The following CNTN5 variants were observed in gnomAD, a reference collection of about 807,000 sequenced individuals.
CNTN5 encodes contactin-5.
Under a neutral mutation model 129.1 loss-of-function variants are expected in CNTN5, and 77 were observed. That is an observed-to-expected ratio of 0.60 (90% CI 0.50 to 0.72). CNTN5 has a LOEUF of 0.72. CNTN5 is among the 30% of genes least tolerant of loss of function. CNTN5 has a pLI of 0.00. For synonymous variants in CNTN5, 509 were observed against 465.6 expected, an observed-to-expected ratio of 1.09 and a Z score of -1.20; for missense variants, 1,478 against 1,328.8, an observed-to-expected ratio of 1.11 and a Z score of -1.75.
intron 7 of CNTN5, among the ~76,000 whole-genome samples, chr11:99,955,510 C>G (rs1208428973): frequency 2.6e-5 from 4 of 152,064 alleles, no homozygotes; most frequent in Non-Finnish European, 5.9e-5. Context: ...TGTAATTATG[C>G]ATTAATGCAA....
At chr11:99,782,122 A>C (rs1307722663) in intron 3 of CNTN5, among the ~76,000 whole-genome samples, 1 of 151,492 alleles carries the variant, frequency 6.6e-6, no homozygotes, top group Non-Finnish European at 1.5e-5. Flanking sequence ...AAGCAACTTC[A>C]GCAAAGTCTC....
intron 8 of CNTN5, among the ~76,000 whole-genome samples, chr11:99,967,296 T>G (rs1951120582): frequency 6.6e-6 from 1 of 152,192 alleles, no homozygotes. Flanking sequence ...AACACAATCA[T>G]TTTCCCTTAC....
chr11:100,288,868 TAATA>T (rs1950873598), intron 18 of CNTN5, among the ~76,000 whole-genome samples: 1 of 151,722 alleles, frequency 6.6e-6, no homozygotes, highest in Non-Finnish European at 1.5e-5. Flanking sequence ...CTAGCAAGAC[TAATA>T]AAGAAAAAAA....
chr11:99,027,101 T>A (rs1360849727), intron 1 of CNTN5, among the ~76,000 whole-genome samples: 1 of 144,664 alleles, frequency 6.9e-6, no homozygotes, highest in African/African-American at 2.6e-5. Context: ...ACAGAAGGGG[T>A]TTTTTTTTTG....
At chr11:99,929,426 T>G (rs1466138969) in intron 7 of CNTN5, among the ~76,000 whole-genome samples, 1 of 152,192 alleles carries the variant, frequency 6.6e-6, no homozygotes, top group Non-Finnish European at 1.5e-5. Flanking sequence ...TGGTGCCAGT[T>G]TACTGTAATA....
intron 1 of CNTN5, among the ~76,000 whole-genome samples, chr11:99,035,038 A>T (rs1272594763): frequency 6.7e-6 from 1 of 150,240 alleles, no homozygotes; most frequent in Non-Finnish European, 1.5e-5. Context: ...CCCAGTAGTC[A>T]TTCAGGAGCA....
At chr11:99,056,734 C>A (rs1864640028) in intron 1 of CNTN5, among the ~76,000 whole-genome samples, 1 of 151,966 alleles carries the variant, frequency 6.6e-6, no homozygotes, top group South Asian at 2.1e-4. Flanking sequence ...TTGGGGAATA[C>A]AAGACAGGGT....
At chr11:99,869,526 A>C (rs865813445) in intron 6 of CNTN5, among the ~76,000 whole-genome samples, 1 of 152,190 alleles carries the variant, frequency 6.6e-6, no homozygotes, top group Non-Finnish European at 1.5e-5. Context: ...CTCTTCAACT[A>C]TCCACTGCCT....
chr11:99,561,186 A>G (rs913025956), intron 3 of CNTN5, among the ~76,000 whole-genome samples: 3 of 152,106 alleles, frequency 2.0e-5, no homozygotes, highest in African/African-American at 7.2e-5. Flanking sequence ...AAACAAACCA[A>G]AACCAAAACA....
chr11:99,280,511 A>T (rs1208129228), intron 1 of CNTN5, among the ~76,000 whole-genome samples: 1 of 151,780 alleles, frequency 6.6e-6, no homozygotes, highest in Admixed American at 6.6e-5. Flanking sequence ...AAAAAATTCA[A>T]TTGCCAGCAA....
chr11:99,462,523 C>T (rs1944753769), intron 2 of CNTN5, among the ~76,000 whole-genome samples: 1 of 152,016 alleles, frequency 6.6e-6, no homozygotes. Flanking sequence ...TGATTCTTAA[C>T]TAGTCCCAAC....
At chr11:99,213,359 T>C (rs1859920805) in intron 1 of CNTN5, among the ~76,000 whole-genome samples, 2 of 59,488 alleles carry the variant, frequency 3.4e-5, no homozygotes, top group Admixed American at 3.6e-4. Flanking sequence ...TATATATGTG[T>C]ATATATGTAT....
In CNTN5 at chr11:100,224,932, A is replaced by G; in HGVS notation, c.2005+120A>G. On this transcript the variant is annotated intron_variant, in intron 16 of 24. Transcript: ENST00000524871. ...TGCATTTTACTTTCAATTTTACAATATATGTTATTTTCGCTTAACCTTTTG... is the reference window on the plus strand; with the variant it reads ...TGCATTTTACTTTCAATTTTACAATGTATGTTATTTTCGCTTAACCTTTTG... 5.0e-6 allele frequency: 5 copies of G among 998,234 alleles called. No individual in the cohort carries two copies. In the Admixed American group the frequency reaches 1.4e-4, roughly 27 times the overall value. 61.8% of individuals were successfully genotyped at this position (998,234 alleles called of 1,614,324 possible).
intron 1 of CNTN5, among the ~76,000 whole-genome samples, chr11:99,245,689 A>G (rs780992559): frequency 6.6e-6 from 1 of 152,134 alleles, no homozygotes; most frequent in Non-Finnish European, 1.5e-5. Flanking sequence ...TACTCTGACT[A>G]TATCCCACGG....
chr11:100,019,929 C>A (rs1049653392), intron 9 of CNTN5, among the ~76,000 whole-genome samples: 1 of 151,836 alleles, frequency 6.6e-6, no homozygotes, highest in Non-Finnish European at 1.5e-5. Context: ...ACCTGTTGAC[C>A]ATTTGTACCT....
At chr11:100,075,430 GA>G (rs1215209263) in intron 13 of CNTN5, among the ~76,000 whole-genome samples, 1 of 152,108 alleles carries the variant, frequency 6.6e-6, no homozygotes, top group Non-Finnish European at 1.5e-5. Context: ...GCTAACAAGA[GA>G]AAAACATAAC....
intron 7 of CNTN5, among the ~76,000 whole-genome samples, chr11:99,932,804 A>C (rs1950223070): frequency 6.6e-6 from 1 of 152,316 alleles, no homozygotes; most frequent in Middle Eastern, 3.4e-3. Flanking sequence ...TTAACAAAGT[A>C]ACAAAGGATT....
At chr11:99,550,615 A>G (rs934832792) in intron 2 of CNTN5, among the ~76,000 whole-genome samples, 2 of 152,156 alleles carry the variant, frequency 1.3e-5, no homozygotes, top group Admixed American at 1.3e-4. Context: ...AAATTTACAT[A>G]CAAGGCCCTC....
intron 1 of CNTN5, among the ~76,000 whole-genome samples, chr11:99,231,431 C>A (rs1860991433): frequency 6.6e-6 from 1 of 152,032 alleles, no homozygotes; most frequent in Non-Finnish European, 1.5e-5. Flanking sequence ...ATGTTTGTTG[C>A]CTCTATAAAC....
Sources: gnomAD v4.1 joint callset for allele counts (sites outside exome capture counted in the v4.1 genomes callset) on GRCh38, gnomAD v4.1.1 for gene constraint, MANE v1.5 for transcripts, NCBI Gene and HGNC (gene_info 2026-07-23, HGNC 2026-07-21) for gene names.